Variants in GNG2 observed in about 807,000 individuals in gnomAD.
GNG2 encodes G protein subunit gamma 2, also known as guanine nucleotide-binding protein G(I)/G(S)/G(O) subunit gamma-2.
Under a neutral mutation model 5.5 loss-of-function variants are expected in GNG2, and 5 were observed. That is an observed-to-expected ratio of 0.91 (90% CI 0.48 to 1.92). The LOEUF (loss-of-function observed/expected upper bound fraction) is 1.92. Ranked by LOEUF, GNG2 falls within the 30% of genes most tolerant of loss-of-function variation. The pLI, the probability that GNG2 is intolerant of heterozygous loss-of-function variation, is 0.01. For synonymous variants in GNG2, 28 were observed against 32.0 expected (o/e 0.88, Z 0.42); for missense variants, 55 against 88.4 (o/e 0.62, Z 1.52).
chr14:51,883,819 G>T (rs1483492227), intron 2 of GNG2, among the ~76,000 whole-genome samples: 1 of 151,654 alleles, frequency 6.6e-6, no homozygotes, highest in Non-Finnish European at 1.5e-5. Context: ...GCTATATACT[G>T]TATACTATAA....
chr14:51,897,693 C>T (rs1022459441), intron 2 of GNG2, among the ~76,000 whole-genome samples: 6 of 152,072 alleles, frequency 3.9e-5, no homozygotes, highest in Admixed American at 6.5e-5. Flanking sequence ...CCCTTCTCAC[C>T]TGGTTCTGGG....
intron 1 of GNG2, among the ~76,000 whole-genome samples, chr14:51,866,893 T>A (rs1436352523): frequency 6.6e-6 from 1 of 152,190 alleles, no homozygotes; most frequent in African/African-American, 2.4e-5. Context: ...TAAGTCAAAT[T>A]AACATCATCT....
At chr14:51,848,024 C>T (rs1566643110) in intron 2 of GNG2, among the ~76,000 whole-genome samples, 1 of 151,588 alleles carries the variant, frequency 6.6e-6, no homozygotes, top group Admixed American at 6.6e-5. Context: ...CTCTTCACTC[C>T]ACACTGCCCC....
intron 2 of GNG2, among the ~76,000 whole-genome samples, chr14:51,846,231 T>C (rs1881622466): frequency 1.3e-5 from 2 of 152,194 alleles, no homozygotes; most frequent in Non-Finnish European, 2.9e-5. Context: ...TTATCAACCA[T>C]TTTAGTTTTT....
intron 2 of GNG2, among the ~76,000 whole-genome samples, chr14:51,919,678 GA>G (rs1490378723): frequency 1.3e-5 from 2 of 152,354 alleles, no homozygotes; most frequent in East Asian, 3.9e-4. Context: ...AGCTTTGGCT[GA>G]TTGAGACTTG....
rs544116035 is a variant in GNG2 at position 51,914,295 on chromosome 14, C to A, written c.-29-36355C>A. 3.7e-5 allele frequency: 26 copies of A among 701,882 alleles called. No homozygotes were observed. The South Asian group carries it at 3.9e-4, about 10-fold the overall frequency. 43.5% of individuals were successfully genotyped at this position (701,882 alleles called of 1,614,324 possible). A position where few individuals can be genotyped will look rare whatever the true frequency, so the allele number is the denominator to read the frequency against. ...CCAAGGTAGAATGGAAAAGGACTGC[C>A]GTCTCAGGCCATTTCATTATGTCTG... On this transcript the variant is annotated intron_variant, in intron 2 of 3. Coordinates refer to ENST00000556766, the MANE Select transcript of GNG2 (RefSeq NM_053064.5).
intron 2 of GNG2, among the ~76,000 whole-genome samples, chr14:51,926,199 A>G (rs1887309622): frequency 6.6e-6 from 1 of 152,114 alleles, no homozygotes. Flanking sequence ...CTGTCTTCCG[A>G]AGTCTTCTGA....
chr14:51,923,946 C>T (rs1201345126), intron 2 of GNG2, among the ~76,000 whole-genome samples: 1 of 152,190 alleles, frequency 6.6e-6, no homozygotes, highest in Non-Finnish European at 1.5e-5. Context: ...GAAAGATTCT[C>T]TGCTCAGAGA....
chr14:51,965,899 G>A (rs1889862487), intron 3 of GNG2, among the ~76,000 whole-genome samples: 1 of 152,016 alleles, frequency 6.6e-6, no homozygotes, highest in Admixed American at 6.6e-5. Flanking sequence ...GTGGGGCAAT[G>A]AGATATCGGA....
chr14:51,916,702 T>G (rs1248419793), intron 2 of GNG2, among the ~76,000 whole-genome samples: 1 of 151,924 alleles, frequency 6.6e-6, no homozygotes, highest in Non-Finnish European at 1.5e-5. Context: ...CATACCCAGG[T>G]TGGTGTAGGT....
At chr14:51,911,888 GTTAGA>G (rs1445066667) in intron 2 of GNG2, among the ~76,000 whole-genome samples, 1 of 145,406 alleles carries the variant, frequency 6.9e-6, no homozygotes, top group Non-Finnish European at 1.5e-5. Flanking sequence ...TGTTGTTATT[GTTAGA>G]TTAAAGGAGT....
At chr14:51,845,623 C>T (rs910428413) in intron 2 of GNG2, among the ~76,000 whole-genome samples, 4 of 152,222 alleles carry the variant, frequency 2.6e-5, no homozygotes, top group Non-Finnish European at 5.9e-5. Flanking sequence ...TGGCCAAATA[C>T]GTTTGGGAAA....
intron 2 of GNG2, among the ~76,000 whole-genome samples, chr14:51,839,159 C>G (rs558624481): frequency 6.6e-6 from 1 of 152,126 alleles, no homozygotes; most frequent in Non-Finnish European, 1.5e-5. Context: ...TGTGACACAG[C>G]CTGAGAAGGC....
At chr14:51,946,291 A>G (rs1888639604) in intron 2 of GNG2, among the ~76,000 whole-genome samples, 1 of 152,210 alleles carries the variant, frequency 6.6e-6, no homozygotes. Flanking sequence ...CATGGATTGA[A>G]AAATAGATGT....
intron 2 of GNG2, among the ~76,000 whole-genome samples, chr14:51,851,285 T>A (rs916966122): frequency 1.3e-5 from 2 of 150,142 alleles, no homozygotes; most frequent in African/African-American, 4.9e-5. Flanking sequence ...CCCATATGCA[T>A]ACTCATCATT....
At chr14:51,869,140 AG>A (rs1262278499) in intron 1 of GNG2, among the ~76,000 whole-genome samples, 4 of 152,224 alleles carry the variant, frequency 2.6e-5, no homozygotes, top group African/African-American at 9.6e-5. Context: ...TCAAGAATTA[AG>A]TTGAGAATGA....
At chr14:51,945,621 A>G (rs549733429) in intron 2 of GNG2, among the ~76,000 whole-genome samples, 4 of 152,338 alleles carry the variant, frequency 2.6e-5, no homozygotes, top group South Asian at 4.1e-4. Context: ...ATGATTGCAC[A>G]ACAGTATACG....
chr14:51,866,139 T>C (rs1338846499), intron 1 of GNG2, among the ~76,000 whole-genome samples: 1 of 152,166 alleles, frequency 6.6e-6, no homozygotes, highest in African/African-American at 2.4e-5. Flanking sequence ...TCTTCCCTGT[T>C]CCCTGGCCTT....
chr14:51,893,966 A>G (rs1343743185), intron 2 of GNG2, among the ~76,000 whole-genome samples: 5 of 152,102 alleles, frequency 3.3e-5, no homozygotes, highest in South Asian at 2.1e-4. Flanking sequence ...TCCAATGTCA[A>G]TGATGCCATC....
Sources: gnomAD v4.1 joint callset for allele counts (sites outside exome capture counted in the v4.1 genomes callset) on GRCh38, gnomAD v4.1.1 for gene constraint, MANE v1.5 for transcripts, NCBI Gene and HGNC (gene_info 2026-07-23, HGNC 2026-07-21) for gene names.